ASB3: variants seen among roughly 807,000 people sequenced by gnomAD.
ASB3 encodes ankyrin repeat and SOCS box containing 3, also known as ankyrin repeat and SOCS box protein 3.
In ASB3, 41 loss-of-function variants were observed where a neutral mutation model predicts 54.5. That is an observed-to-expected ratio of 0.75 (90% CI 0.59 to 0.98). ASB3 has a LOEUF of 0.98. ASB3 is among the 50% of genes least tolerant of loss of function. ASB3 has a pLI of 0.00. For synonymous variants in ASB3, 266 were observed against 221.2 expected (o/e 1.20, Z -1.80); for missense variants, 733 against 620.0 (o/e 1.18, Z -1.94).
At chr2:53,745,122 T>A (rs1672153490) in intron 3 of ASB3, among the ~76,000 whole-genome samples, 1 of 152,188 alleles carries the variant, frequency 6.6e-6, no homozygotes, top group Non-Finnish European at 1.5e-5. Context: ...TTAGCTGGAT[T>A]TTTCACTTAG....
intron 8 of ASB3, among the ~76,000 whole-genome samples, 177 bp downstream of exon 8, chr2:53,700,094 G>T (rs1669403459): frequency 6.6e-6 from 1 of 151,962 alleles, no homozygotes; most frequent in Non-Finnish European, 1.5e-5. Context: ...CTTTTCCCAG[G>T]ACTCTGTGCT....
At chr2:53,761,189 G>A (rs1015139725) in intron 2 of ASB3, among the ~76,000 whole-genome samples, 13 of 152,192 alleles carry the variant, frequency 8.5e-5, no homozygotes, top group Admixed American at 4.6e-4. Flanking sequence ...TTTAAACACC[G>A]GGCTTGTAAC....
intron 9 of ASB3, among the ~76,000 whole-genome samples, chr2:53,686,100 C>T (rs1652692439): frequency 6.6e-6 from 1 of 152,194 alleles, no homozygotes; most frequent in Admixed American, 6.5e-5. Context: ...CTCCCCTTCC[C>T]TTTCTGAAGT....
At chr2:53,690,696 C>T (rs565333257) in intron 9 of ASB3, among the ~76,000 whole-genome samples, 6 of 152,044 alleles carry the variant, frequency 3.9e-5, no homozygotes, top group African/African-American at 1.4e-4. Context: ...TATCCATCTC[C>T]TACCTTTTTT....
At chr2:53,676,773 C>CGTTTT (rs1558510289) in intron 9 of ASB3, among the ~76,000 whole-genome samples, 1 of 151,852 alleles carries the variant, frequency 6.6e-6, no homozygotes, top group Non-Finnish European at 1.5e-5. Flanking sequence ...TTTGTTTGTT[C>CGTTTT]GTTTTGTTTT....
intron 2 of ASB3, 147 bp downstream of exon 2, chr2:53,765,230 C>A (rs926461081): frequency 8.4e-7 from 1 of 1,183,862 alleles, no homozygotes. Flanking sequence ...GGCAATCTTA[C>A]TATCCTTAAT....
chr2:53,752,349 G>C lies in ASB3; in HGVS notation c.197-1408C>G, dbSNP rs567857205. ...GACACATTGAAAGGTGAGGAGAGCA[G>C]AATTTATTAAAGGAAAGCTCCCAGC... is the stretch of plus-strand genomic sequence containing the variant. On this transcript the variant is annotated intron_variant, in intron 2 of 9. Transcript: ENST00000263634. 1.2e-3 allele frequency among the ~76,000 whole-genome samples: 181 copies of C among 152,286 alleles called. 2 individuals carry two copies. Among genetic ancestry groups the C allele is most frequent in the Non-Finnish European group, 1.5e-3 (105 of 68,018 alleles).
At chr2:53,723,804 G>C (rs1670843055) in intron 5 of ASB3, among the ~76,000 whole-genome samples, 1 of 152,122 alleles carries the variant, frequency 6.6e-6, no homozygotes, top group South Asian at 2.1e-4. Flanking sequence ...TCTGATCTTT[G>C]ACAAAGTTGA....
At chr2:53,690,451 T>C (rs941575245) in intron 9 of ASB3, among the ~76,000 whole-genome samples, 1 of 152,130 alleles carries the variant, frequency 6.6e-6, no homozygotes, top group African/African-American at 2.4e-5. Context: ...AATTGTACTT[T>C]GGTATGATAA....
intron 3 of ASB3, among the ~76,000 whole-genome samples, chr2:53,733,769 G>A (rs1671458135): frequency 1.3e-5 from 2 of 152,204 alleles, no homozygotes; most frequent in South Asian, 4.1e-4. Flanking sequence ...AGGAATTAAA[G>A]ACACACACAG....
chr2:53,675,580 C>T (rs1668042495), intron 9 of ASB3, among the ~76,000 whole-genome samples: 1 of 152,068 alleles, frequency 6.6e-6, no homozygotes, highest in Non-Finnish European at 1.5e-5. Flanking sequence ...CTTAGCTGAA[C>T]TAAATCAGGA....
At chr2:53,703,952 A>C (rs745357623) in intron 7 of ASB3, among the ~76,000 whole-genome samples, 1 of 152,226 alleles carries the variant, frequency 6.6e-6, no homozygotes, top group Non-Finnish European at 1.5e-5. Flanking sequence ...TTAGAATATC[A>C]AATAATTAAT....
intron 3 of ASB3, among the ~76,000 whole-genome samples, chr2:53,746,468 T>C (rs1481464390): frequency 2.0e-5 from 3 of 150,562 alleles, no homozygotes; most frequent in Admixed American, 6.6e-5. Flanking sequence ...CACACACTGT[T>C]TTTTGGGGGG....
intron 2 of ASB3, among the ~76,000 whole-genome samples, chr2:53,754,255 T>C (rs1334300154): frequency 2.0e-5 from 3 of 152,098 alleles, no homozygotes; most frequent in Non-Finnish European, 2.9e-5. Flanking sequence ...AATATATAAA[T>C]TAACGGGAGA....
intron 3 of ASB3, among the ~76,000 whole-genome samples, chr2:53,735,457 C>T (rs974523114): frequency 8.2e-5 from 10 of 121,920 alleles, no homozygotes; most frequent in African/African-American, 2.3e-4. Flanking sequence ...CTGTAAACTA[C>T]AAAATACTAC....
chr2:53,767,011 T>C (rs1293148056), intron 1 of ASB3, among the ~76,000 whole-genome samples: 1 of 152,214 alleles, frequency 6.6e-6, no homozygotes, highest in Non-Finnish European at 1.5e-5. Context: ...AGAGCTCTAA[T>C]GAGCAGATCT....
At chr2:53,751,587 A>C (rs1453272106) in intron 2 of ASB3, among the ~76,000 whole-genome samples, 4 of 152,218 alleles carry the variant, frequency 2.6e-5, no homozygotes, top group Non-Finnish European at 2.9e-5. Context: ...ATATTTACAC[A>C]ATAAAATTCT....
At chr2:53,730,434 G>A (rs1022041947) in intron 3 of ASB3, among the ~76,000 whole-genome samples, 2 of 152,178 alleles carry the variant, frequency 1.3e-5, no homozygotes, top group Non-Finnish European at 2.9e-5. Context: ...TCTGGCTAAC[G>A]TGCTTGGATG....
intron 1 of ASB3, among the ~76,000 whole-genome samples, chr2:53,784,693 T>C (rs1674837819): frequency 6.6e-6 from 1 of 152,228 alleles, no homozygotes; most frequent in African/African-American, 2.4e-5. Flanking sequence ...TGTGTCCATG[T>C]GTATCCAAAT....
Sources: gnomAD v4.1 joint callset for allele counts (sites outside exome capture counted in the v4.1 genomes callset) on GRCh38, gnomAD v4.1.1 for gene constraint, MANE v1.5 for transcripts, NCBI Gene and HGNC (gene_info 2026-07-23, HGNC 2026-07-21) for gene names.